The following DACH1 variants were observed in gnomAD, a reference collection of about 807,000 sequenced individuals.
DACH1 encodes the protein dachshund homolog 1.
A neutral mutation model predicts 54.2 loss-of-function variants in DACH1; 12 were observed. That is an observed-to-expected ratio of 0.22 (90% CI 0.14 to 0.36). DACH1 has a LOEUF of 0.36. Among genes scored for constraint, DACH1 ranks in the 10% least tolerant of loss-of-function variants. The probability of loss-of-function intolerance (pLI) is 1.00; values close to 1 mark genes in which losing one functional copy is unlikely to be tolerated. For synonymous variants in DACH1, 386 were observed against 366.2 expected (o/e 1.05, Z -0.62); for missense variants, 805 against 929.8 (o/e 0.87, Z 1.75).
At chr13:71,839,841 C>T in intron 1 of DACH1, among the ~76,000 whole-genome samples, 1 of 152,038 alleles carries the variant, frequency 6.6e-6, no homozygotes, top group East Asian at 1.9e-4. Context: ...GAGTTAATGT[C>T]AACTTACTTC....
At chr13:71,815,913 G>C (rs901607355) in intron 1 of DACH1, among the ~76,000 whole-genome samples, 8 of 151,660 alleles carry the variant, frequency 5.3e-5, no homozygotes, top group Non-Finnish European at 1.0e-4. Flanking sequence ...GTGAAACCCC[G>C]TCTCTACTAA....
intron 1 of DACH1, among the ~76,000 whole-genome samples, chr13:71,717,296 C>T (rs973177759): frequency 1.3e-5 from 2 of 152,060 alleles, no homozygotes; most frequent in African/African-American, 2.4e-5. Flanking sequence ...CAAGAAATGC[C>T]TAATTGTACT....
At position 71,504,329 on chromosome 13, in the gene DACH1, C is replaced by T. The variant is rs1593800174; in HGVS notation, c.1571-15181G>A. 2.0e-5 allele frequency among the ~76,000 whole-genome samples: 3 copies of T among 152,082 alleles called. 1 individual carries two copies. The highest frequency in any genetic ancestry group is 7.2e-5 in the African/African-American group (3 of 41,508). Reference sequence around the variant, plus strand: ...TTAAAATTTCAAATTAAAAAAGAAACATTGTGTTATCTGCATTCATTAAAG... The same window carrying T: ...TTAAAATTTCAAATTAAAAAAGAAATATTGTGTTATCTGCATTCATTAAAG... On this transcript the variant is annotated intron_variant, in intron 6 of 10. Transcript: ENST00000613252.
Position 71,528,338 on chromosome 13 carries a change from T to C in DACH1, c.1570+28686A>G, listed in dbSNP as rs548014922. 5.3e-5 allele frequency among the ~76,000 whole-genome samples: 8 copies of C among 152,282 alleles called. No individual in the cohort carries two copies. In the South Asian group the frequency reaches 1.7e-3, roughly 32 times the overall value. The stretch of plus-strand genomic sequence containing the variant: ...ATACATTCACCTATTTACAGGTTAA[T>C]TTCATCAACTATGGAATATATGTTT... On this transcript the variant is annotated intron_variant, in intron 6 of 10. Coordinates refer to ENST00000613252, the MANE Select transcript of DACH1 (RefSeq NM_080759.6).
chr13:71,573,033 T>A, intron 3 of DACH1, 21 bp from the exon 4 acceptor site: 2 of 1,607,786 alleles, frequency 1.2e-6, no homozygotes, highest in Non-Finnish European at 1.7e-6. Flanking sequence ...TGCACATATA[T>A]CATCATTGCT....
intron 2 of DACH1, chr13:71,675,101 G>A: frequency 6.4e-7 from 1 of 1,571,812 alleles, no homozygotes; most frequent in South Asian, 1.1e-5. Context: ...AAATCGACCG[G>A]TGGTAAAGCA....
intron 10 of DACH1, among the ~76,000 whole-genome samples, chr13:71,444,022 A>G (rs1874232255): frequency 6.6e-6 from 1 of 152,104 alleles, no homozygotes; most frequent in Non-Finnish European, 1.5e-5. Flanking sequence ...TCTCACTTAC[A>G]TTATATGAGT....
chr13:71,522,927 C>T (rs1881707437), intron 6 of DACH1, among the ~76,000 whole-genome samples: 2 of 152,092 alleles, frequency 1.3e-5, no homozygotes, highest in Non-Finnish European at 2.9e-5. Flanking sequence ...ACTGAAGTTA[C>T]TTTGCTTGTC....
At position 71,520,042 on chromosome 13, in the gene DACH1, A is replaced by G. The variant is rs149092087; in HGVS notation, c.1571-30894T>C. Among the ~76,000 whole-genome samples, 718 of 150,828 alleles carry G rather than the reference A, an allele frequency of 4.8e-3. 9 individuals are homozygous for G. The highest frequency in any genetic ancestry group is 0.016 in the African/African-American group (657 of 41,256). On this transcript the variant is annotated intron_variant, in intron 6 of 10. Coordinates refer to ENST00000613252, the MANE Select transcript of DACH1 (RefSeq NM_080759.6). ...TATTTTCTAAAATTTCCATATATAA[A>G]ATAATTTTAGCATCAAATGGAAACA...
At chr13:71,662,662 AT>A (rs1879585418) in intron 2 of DACH1, among the ~76,000 whole-genome samples, 1 of 152,052 alleles carries the variant, frequency 6.6e-6, no homozygotes, top group African/African-American at 2.4e-5. Context: ...AAACAGCCAC[AT>A]TATATGCTTT....
chr13:71,495,409 T>C (rs1593785794), intron 6 of DACH1, among the ~76,000 whole-genome samples: 2 of 152,038 alleles, frequency 1.3e-5, no homozygotes, highest in East Asian at 3.9e-4. Flanking sequence ...CCATCACAAA[T>C]ATACAGAAAG....
intron 1 of DACH1, among the ~76,000 whole-genome samples, chr13:71,860,580 T>C (rs1874287994): frequency 6.6e-6 from 1 of 151,888 alleles, no homozygotes; most frequent in Non-Finnish European, 1.5e-5. Flanking sequence ...TAATGAAATC[T>C]AGATGACTCA....
At chr13:71,643,838 T>C (rs931539605) in intron 2 of DACH1, among the ~76,000 whole-genome samples, 10 of 151,926 alleles carry the variant, frequency 6.6e-5, no homozygotes, top group Admixed American at 2.6e-4. Context: ...TCAACCTTCC[T>C]AGCTCAGGGA....
At chr13:71,524,395 A>T (rs544340559) in intron 6 of DACH1, among the ~76,000 whole-genome samples, 38 of 152,302 alleles carry the variant, frequency 2.5e-4, no homozygotes, top group Middle Eastern at 3.4e-3. Context: ...AACTCTAAAA[A>T]GAATGATTCA....
chr13:71,735,854 A>G (rs1235785070), intron 1 of DACH1, among the ~76,000 whole-genome samples: 1 of 152,054 alleles, frequency 6.6e-6, no homozygotes. Flanking sequence ...AACACAACAG[A>G]GTAGAAATTT....
At chr13:71,834,933 A>G (rs578223010) in intron 1 of DACH1, among the ~76,000 whole-genome samples, 1 of 151,936 alleles carries the variant, frequency 6.6e-6, no homozygotes, top group South Asian at 2.1e-4. Flanking sequence ...CTTTTCCCAC[A>G]TTTGTCTTTC....
rs113515260 is a variant in DACH1, at chr13:71,737,231, GA to G, written c.849-55322del. Among the ~76,000 whole-genome samples, 7 of 150,740 alleles carry G rather than the reference GA, an allele frequency of 4.6e-5. 1 individual carries two copies. Among genetic ancestry groups the G allele is most frequent in the African/African-American group, 1.7e-4 (7 of 41,188 alleles). ...GAACAAGACTCCGTCTCAAAAAAAA[GA>G]AAAAAAAAGTTGAAGGGAAAAAGCT... On this transcript the variant is annotated intron_variant, in intron 1 of 10. Transcript: ENST00000613252.
chr13:71,843,068 T>C (rs571940232), intron 1 of DACH1, among the ~76,000 whole-genome samples: 2 of 152,192 alleles, frequency 1.3e-5, no homozygotes, highest in African/African-American at 2.4e-5. Flanking sequence ...ATTATCTGAA[T>C]GTTATTTTTA....
intron 6 of DACH1, among the ~76,000 whole-genome samples, chr13:71,528,579 C>T (rs1193652295): frequency 1.3e-5 from 2 of 151,954 alleles, no homozygotes; most frequent in Non-Finnish European, 2.9e-5. Flanking sequence ...AGGCGCCTGC[C>T]ACCACGCCCG....
Sources: allele counts gnomAD v4.1 joint callset (sites outside exome capture counted in the v4.1 genomes callset), GRCh38; gene constraint gnomAD v4.1.1; transcripts MANE v1.5; gene names NCBI Gene and HGNC (gene_info 2026-07-23, HGNC 2026-07-21).